Variants in ZRANB3 observed in about 807,000 individuals in gnomAD.
The protein encoded by ZRANB3 is DNA annealing helicase and endonuclease ZRANB3.
ZRANB3 carries 125 observed loss-of-function variants against 133.8 expected under a neutral mutation model. The ratio of observed to expected loss-of-function variants is 0.93; its 90% CI spans 0.81 to 1.08. ZRANB3 has a LOEUF of 1.08. Ranked by LOEUF, ZRANB3 falls within the 50% of genes least tolerant of loss-of-function variation. ZRANB3 has a pLI of 0.00. For missense variants in ZRANB3, 1,229 were observed against 1,275.5 expected (o/e 0.96, Z 0.56); for synonymous variants, 387 against 432.7 (o/e 0.89, Z 1.31).
At chr2:135,451,685 C>T (rs549894623) in intron 2 of ZRANB3, among the ~76,000 whole-genome samples, 3 of 151,956 alleles carry the variant, frequency 2.0e-5, no homozygotes, top group Non-Finnish European at 4.4e-5. Flanking sequence ...CTCCAGGAAA[C>T]TGACCAACAA....
intron 1 of ZRANB3, among the ~76,000 whole-genome samples, chr2:135,512,884 CAT>C (rs1350776161): frequency 1.3e-5 from 2 of 152,028 alleles, no homozygotes; most frequent in African/African-American, 4.8e-5. Flanking sequence ...AAGTTTAACA[CAT>C]GTCTCTCAGT....
At chr2:135,202,700 TG>T in intron 20 of ZRANB3, 131 bp downstream of exon 20, 1 of 1,128,666 alleles carries the variant, frequency 8.9e-7, no homozygotes, top group Non-Finnish European at 1.2e-6. Context: ...TGTTGGGTGA[TG>T]AAAGGAGTAA....
At chr2:135,240,692 C>T (rs1044368960) in intron 12 of ZRANB3, among the ~76,000 whole-genome samples, 12 of 152,196 alleles carry the variant, frequency 7.9e-5, no homozygotes, top group Middle Eastern at 3.2e-3. Flanking sequence ...GATCCTCCCA[C>T]CTCAGCTTCC....
intron 1 of ZRANB3, among the ~76,000 whole-genome samples, chr2:135,514,584 C>A (rs1340218829): frequency 6.6e-6 from 1 of 152,178 alleles, no homozygotes; most frequent in Non-Finnish European, 1.5e-5. Context: ...ATGTCATCTG[C>A]AAACAGACAA....
chr2:135,450,252 C>CGAA (rs1403085163), intron 2 of ZRANB3, among the ~76,000 whole-genome samples: 1 of 148,746 alleles, frequency 6.7e-6, no homozygotes, highest in Non-Finnish European at 1.5e-5. Flanking sequence ...GGTGACAGAG[C>CGAA]ACTCCGTCTC....
At chr2:135,354,598 A>C (rs555019916) in intron 3 of ZRANB3, among the ~76,000 whole-genome samples, 1 of 152,288 alleles carries the variant, frequency 6.6e-6, no homozygotes, top group East Asian at 1.9e-4. Context: ...TTCGGTAATA[A>C]AAAAAGAATG....
At chr2:135,349,942 C>G (rs77582606) in intron 5 of ZRANB3, 42 bp downstream of exon 5, 40,610 of 1,572,154 alleles carry the variant, frequency 0.026, 1,600 homozygotes, top group South Asian at 0.14. Context: ...CCTCCCACCC[C>G]CCTTCTCTTC....
At chr2:135,382,222 C>A (rs1242309843) in intron 3 of ZRANB3, among the ~76,000 whole-genome samples, 2 of 151,986 alleles carry the variant, frequency 1.3e-5, no homozygotes, top group Non-Finnish European at 1.5e-5. Context: ...CCGATTCGAT[C>A]AACTGGAAGA....
intron 2 of ZRANB3, among the ~76,000 whole-genome samples, chr2:135,494,515 G>T (rs1161394389): frequency 2.6e-5 from 4 of 151,964 alleles, no homozygotes; most frequent in Non-Finnish European, 5.9e-5. Flanking sequence ...TCCAAGAGAG[G>T]GAAAATCAGA....
intron 8 of ZRANB3, among the ~76,000 whole-genome samples, chr2:135,303,421 C>CT (rs1380831096): frequency 6.6e-6 from 1 of 152,054 alleles, no homozygotes; most frequent in Admixed American, 6.6e-5. Context: ...TTCAAGACTT[C>CT]TTTTTTTCCT....
At chr2:135,397,273 T>C (rs1687534862) in intron 2 of ZRANB3, among the ~76,000 whole-genome samples, 1 of 151,544 alleles carries the variant, frequency 6.6e-6, no homozygotes, top group South Asian at 2.1e-4. Flanking sequence ...CGAGACCTCC[T>C]CTCCACTAAA....
At chr2:135,246,777 T>C (rs1573752792) in intron 12 of ZRANB3, among the ~76,000 whole-genome samples, 1 of 152,226 alleles carries the variant, frequency 6.6e-6, no homozygotes, top group East Asian at 1.9e-4. Context: ...CTGCTTTTGG[T>C]GAGAAGTGCT....
chr2:135,277,742 C>G (rs771022285), intron 8 of ZRANB3, among the ~76,000 whole-genome samples: 1 of 151,786 alleles, frequency 6.6e-6, no homozygotes, highest in Non-Finnish European at 1.5e-5. Flanking sequence ...CTGGCCAACA[C>G]GGTGAAACCC....
intron 12 of ZRANB3, among the ~76,000 whole-genome samples, chr2:135,241,360 C>T (rs1189632085): frequency 7.2e-6 from 1 of 139,592 alleles, no homozygotes; most frequent in Non-Finnish European, 1.5e-5. Context: ...TTGTTATTCT[C>T]TGTTCTTTTT....
intron 6 of ZRANB3, among the ~76,000 whole-genome samples, chr2:135,316,382 A>G (rs1683252122): frequency 6.6e-6 from 1 of 152,186 alleles, no homozygotes; most frequent in African/African-American, 2.4e-5. Flanking sequence ...ACATATCCCT[A>G]TCAATGTGAC....
chr2:135,214,913 T>C (rs1358664492), intron 17 of ZRANB3, among the ~76,000 whole-genome samples: 3 of 152,174 alleles, frequency 2.0e-5, no homozygotes, highest in African/African-American at 7.2e-5. Flanking sequence ...TCATACAACA[T>C]TTTACATTTA....
chr2:135,340,497 T>C (rs552114825), intron 6 of ZRANB3, among the ~76,000 whole-genome samples: 1 of 152,260 alleles, frequency 6.6e-6, no homozygotes, highest in East Asian at 1.9e-4. Context: ...ATTTTCTGGA[T>C]CTACAAGAAA....
chr2:135,511,920 G>A, intron 1 of ZRANB3: 2 of 760,438 alleles, frequency 2.6e-6, no homozygotes, highest in South Asian at 2.7e-5. Flanking sequence ...CAACCAGCAG[G>A]GGACTAGCCT....
At chr2:135,465,238 G>T (rs527736922) in intron 2 of ZRANB3, among the ~76,000 whole-genome samples, 1 of 151,692 alleles carries the variant, frequency 6.6e-6, no homozygotes, top group African/African-American at 2.4e-5. Flanking sequence ...TTTAGTTCTG[G>T]TCCTGTTTTA....
Sources: gnomAD v4.1 joint callset for allele counts (sites outside exome capture counted in the v4.1 genomes callset) on GRCh38, gnomAD v4.1.1 for gene constraint, MANE v1.5 for transcripts, NCBI Gene and HGNC (gene_info 2026-07-23, HGNC 2026-07-21) for gene names.